The following LYST variants were observed in gnomAD, a reference collection of about 807,000 sequenced individuals.
LYST encodes lysosomal-trafficking regulator.
In LYST, 192 loss-of-function variants were observed where a neutral mutation model predicts 413.6. The observed-to-expected ratio is 0.46, with a 90% CI of 0.41 to 0.52. The LOEUF is 0.52. LYST is among the 20% of genes least tolerant of loss of function. The pLI, the probability that LYST is intolerant of heterozygous loss-of-function variation, is 0.00. For missense variants in LYST, 3,815 were observed against 4,499.9 expected (o/e 0.85, Z 4.35); for synonymous variants, 1,525 against 1,567.3 (o/e 0.97, Z 0.64).
At chr1:235,768,184 A>G (rs1251166153) in intron 20 of LYST, among the ~76,000 whole-genome samples, 1 of 152,096 alleles carries the variant, frequency 6.6e-6, no homozygotes, top group East Asian at 1.9e-4. Context: ...AAAACTACAA[A>G]ACTTACAAGG....
intron 26 of LYST, among the ~76,000 whole-genome samples, chr1:235,752,698 T>G (rs1368473967): frequency 6.6e-6 from 1 of 152,076 alleles, no homozygotes; most frequent in Non-Finnish European, 1.5e-5. Flanking sequence ...TAAATATGAA[T>G]TAGTTACTTC....
chr1:235,693,946 A>G (rs932748572), intron 46 of LYST, among the ~76,000 whole-genome samples: 1 of 152,002 alleles, frequency 6.6e-6, no homozygotes, highest in African/African-American at 2.4e-5. Flanking sequence ...AATCCTGTCA[A>G]CTGCAGGACT....
At chr1:235,800,434 C>T (rs546915172) in intron 9 of LYST, 48 bp from the exon 10 acceptor site, 15 of 987,246 alleles carry the variant, frequency 1.5e-5, no homozygotes, top group Middle Eastern at 4.2e-4. Context: ...CTCACAGAAG[C>T]ATGAAACAAC....
At chr1:235,859,079 G>A (rs1679556906) in intron 1 of LYST, among the ~76,000 whole-genome samples, 1 of 152,154 alleles carries the variant, frequency 6.6e-6, no homozygotes, top group Admixed American at 6.5e-5. Flanking sequence ...AATCTCAGCA[G>A]ATAATCTTGC....
intron 16 of LYST, 55 bp from the exon 17 acceptor site, chr1:235,777,363 T>C (rs1669381072): frequency 6.7e-7 from 1 of 1,493,808 alleles, no homozygotes; most frequent in East Asian, 2.3e-5. Flanking sequence ...ATGCAAGCTA[T>C]GAACTAGCAA....
intron 2 of LYST, among the ~76,000 whole-genome samples, chr1:235,832,297 C>T (rs1676083163): frequency 6.6e-6 from 1 of 152,118 alleles, no homozygotes; most frequent in East Asian, 1.9e-4. Flanking sequence ...AGACACTATC[C>T]ATTGCAAGAT....
In LYST at chr1:235,731,302, T is replaced by A; in HGVS notation, c.8802-125A>T. 5 of 830,730 alleles carry A rather than the reference T, an allele frequency of 6.0e-6. No individual in the cohort carries two copies. In the South Asian group the frequency reaches 7.2e-5, roughly 12 times the overall value. 51.5% of individuals were successfully genotyped at this position (830,730 alleles called of 1,614,324 possible). ...TCTGTTAATTTAAAAACTCCAAATGTTTATATATTTGATCAGGGAATGCAT... is the reference window on the plus strand; with the variant it reads ...TCTGTTAATTTAAAAACTCCAAATGATTATATATTTGATCAGGGAATGCAT... On this transcript the variant is annotated intron_variant, in intron 34 of 52. Coordinates refer to ENST00000389793, the MANE Select transcript of LYST (RefSeq NM_000081.4).
chr1:235,833,729 G>C (rs1366069347), intron 1 of LYST, 62 bp from the exon 2 acceptor site: 8 of 279,924 alleles, frequency 2.9e-5, no homozygotes, highest in Non-Finnish European at 4.3e-5. Flanking sequence ...ACAAAGTTGT[G>C]ACATAATCAG....
intron 39 of LYST, among the ~76,000 whole-genome samples, chr1:235,721,483 T>C (rs558052259): frequency 1.9e-4 from 29 of 152,274 alleles, no homozygotes; most frequent in African/African-American, 6.7e-4. Flanking sequence ...ATTGGTTCTT[T>C]TAAAGCAATT....
chr1:235,712,399 T>A (rs1662468359), intron 42 of LYST: 2 of 482,294 alleles, frequency 4.1e-6, no homozygotes, highest in South Asian at 6.1e-5. Context: ...TTCATCTGTA[T>A]TATGCTTTTG....
Position 235,720,819 on chromosome 1 carries a change from T to G in LYST, c.9402A>C (p.Leu3134Phe). The G allele has an allele frequency of 6.2e-7, 1 of 1,614,046 alleles. No homozygotes were observed. Among genetic ancestry groups the G allele is most frequent in the Non-Finnish European group, 8.5e-7 (1 of 1,179,964 alleles). Residue 3134 changes from leucine to phenylalanine, a missense_variant, in exon 40 of 53, where the codon TTA (leucine) becomes TTC (phenylalanine). By Grantham distance (22) the Leu-to-Phe change is conservative. Around this residue, in one of 4 missense-constraint regions of LYST, gnomAD observed 866 missense variants for 1,156.0 expected, o/e 0.75. Coordinates refer to ENST00000389793, the MANE Select transcript of LYST (RefSeq NM_000081.4). ...AATTAGTAATTTGCCCAGTATACCA[T>G]AAATTTGTCAGAGCGGTGATGTTAC... ...EYGNITALTN[L>F]WYTGQITNFE...
Position 235,752,026 on chromosome 1 carries a change from T to A in LYST, c.7606A>T (p.Ser2536Cys). The A allele has an allele frequency of 6.2e-7, 1 of 1,610,776 alleles. No homozygotes were observed. Among genetic ancestry groups the A allele is most frequent in the Non-Finnish European group, 8.5e-7 (1 of 1,177,680 alleles). The change falls in exon 27 of 53, where the codon AGC (serine) becomes TGC (cysteine). Residue 2536 changes from serine to cysteine, a missense_variant. Ser to Cys is a moderately radical substitution (Grantham distance 112). Coordinates refer to ENST00000389793, the MANE Select transcript of LYST (RefSeq NM_000081.4). ...TTACTTTGTGTCCTCTTGTTTTTGC[T>A]ATTTTGAAGATATCCAAGCATTACA... is the stretch of plus-strand genomic sequence containing the variant. ...LIVMLGYLQN[S>C]KNKRTQNMAV... is the part of the protein sequence containing the mutation.
At chr1:235,693,580 T>G in intron 46 of LYST, 94 bp from the exon 47 acceptor site, 1 of 1,313,392 alleles carries the variant, frequency 7.6e-7, no homozygotes, top group Non-Finnish European at 1.1e-6. Flanking sequence ...GAAGTTTACA[T>G]AGCAGAACAT....
intron 45 of LYST, among the ~76,000 whole-genome samples, chr1:235,698,298 A>G (rs1206932795): frequency 6.6e-6 from 1 of 152,224 alleles, no homozygotes; most frequent in Non-Finnish European, 1.5e-5. Flanking sequence ...TCATTTTCCA[A>G]ATAAATGAAA....
At chr1:235,830,655 T>C (rs1675874069) in intron 2 of LYST, among the ~76,000 whole-genome samples, 1 of 152,162 alleles carries the variant, frequency 6.6e-6, no homozygotes, top group South Asian at 2.1e-4. Context: ...TGAGCATAGC[T>C]GAGAATAGGT....
At chr1:235,743,892 T>C (rs1030140324) in intron 30 of LYST, 87 bp downstream of exon 30, 5 of 781,364 alleles carry the variant, frequency 6.4e-6, no homozygotes, top group South Asian at 1.6e-5. Context: ...CAAAGAAATA[T>C]GATTTTGAAA....
chr1:235,729,760 G>A, intron 36 of LYST, 103 bp from the exon 37 acceptor site: 1 of 806,682 alleles, frequency 1.2e-6, no homozygotes, highest in South Asian at 1.4e-5. Flanking sequence ...AAGCAGACTA[G>A]ATAGAGTTCC....
At chr1:235,735,856 C>T (rs1170434550) in intron 31 of LYST, 1 of 152,034 alleles carries the variant, frequency 6.6e-6, no homozygotes, top group African/African-American at 2.4e-5. Context: ...ACAGCTGCTA[C>T]CTGACCAAAA....
In LYST at chr1:235,806,150, T is replaced by C. The variant is rs567532943; in HGVS notation, c.2986A>G (p.Met996Val). Residue 996 changes from methionine to valine, a missense_variant, in exon 6 of 53, where the codon ATG becomes GTG. Coordinates refer to ENST00000389793, the MANE Select transcript of LYST (RefSeq NM_000081.4). ...CTTCTGAACAGTTTCTGTATTATCATAAATATTAACTTATGGCATACTCGG... is the reference window on the plus strand; with the variant it reads ...CTTCTGAACAGTTTCTGTATTATCACAAATATTAACTTATGGCATACTCGG... Reference protein sequence around the residue: ...GFRVCHKLIFMIIQKLFRSHK... With the variant: ...GFRVCHKLIFVIIQKLFRSHK... 8 of 1,613,958 alleles carry C rather than the reference T, an allele frequency of 5.0e-6. No homozygotes were observed. In the African/African-American group the frequency reaches 1.1e-4, roughly 22 times the overall value.
Sources: allele counts gnomAD v4.1 joint callset (sites outside exome capture counted in the v4.1 genomes callset), GRCh38; gene constraint gnomAD v4.1.1; regional missense constraint gnomAD v4.1.1; transcripts MANE v1.5; gene names NCBI Gene and HGNC (gene_info 2026-07-23, HGNC 2026-07-21).